L3MBTL3: variants seen among roughly 807,000 people sequenced by gnomAD.
L3MBTL3 encodes lethal(3)malignant brain tumor-like protein 3.
A neutral mutation model predicts 102.3 loss-of-function variants in L3MBTL3; 27 were observed. The observed-to-expected ratio is 0.26, with a 90% CI of 0.19 to 0.36. L3MBTL3 has a LOEUF of 0.36. Among genes scored for constraint, L3MBTL3 ranks in the 10% least tolerant of loss-of-function variants. The pLI is 1.00. For synonymous variants in L3MBTL3, 340 were observed against 320.9 expected (o/e 1.06, Z -0.64); for missense variants, 798 against 955.3 (o/e 0.84, Z 2.17).
At chr6:130,018,925 G>A (rs1384397533) in intron 1 of L3MBTL3, among the ~76,000 whole-genome samples, 1 of 152,128 alleles carries the variant, frequency 6.6e-6, no homozygotes, top group Non-Finnish European at 1.5e-5. Flanking sequence ...CGGCTGGAGG[G>A]GGAGTCTCTG....
At chr6:130,029,871 G>A (rs1779599802) in intron 2 of L3MBTL3, among the ~76,000 whole-genome samples, 1 of 152,052 alleles carries the variant, frequency 6.6e-6, no homozygotes, top group South Asian at 2.1e-4. Context: ...CCAGGCTGGA[G>A]TGCAGTGGGT....
chr6:130,081,830 C>G (rs1016737068), intron 14 of L3MBTL3, among the ~76,000 whole-genome samples: 1 of 152,166 alleles, frequency 6.6e-6, no homozygotes, highest in Non-Finnish European at 1.5e-5. Context: ...GAGACCCAGT[C>G]AAGTTTGCCA....
At chr6:130,056,447 C>G (rs368138858) in intron 8 of L3MBTL3, among the ~76,000 whole-genome samples, 1 of 152,166 alleles carries the variant, frequency 6.6e-6, no homozygotes, top group East Asian at 1.9e-4. Context: ...CATACTGTCC[C>G]GACAAACCAG....
Position 130,057,517 on chromosome 6 carries a change from C to A in L3MBTL3, c.759+20C>A. On this transcript the variant is annotated intron_variant, in intron 9 of 22. Coordinates refer to ENST00000361794, the MANE Select transcript of L3MBTL3 (RefSeq NM_032438.4). ...AAGGAGGTACGGGCCCTTCTAGAGA[C>A]GTGATCTGTAAGGGCGCAGGAGCTG... 1.3e-6 allele frequency: 2 copies of A among 1,578,902 alleles called. No homozygotes were observed. Among genetic ancestry groups the A allele is most frequent in the South Asian group, 1.2e-5 (1 of 86,254 alleles).
chr6:130,078,645 T>G lies in L3MBTL3; in HGVS notation c.1321+11T>G, dbSNP rs375227820. 8.5e-5 allele frequency: 132 copies of G among 1,550,406 alleles called. No homozygotes were observed. Among genetic ancestry groups the G allele is most frequent in the Non-Finnish European group, 1.1e-4 (129 of 1,123,222 alleles). ...TTATTACTCCACCAGGTGTGTGTTTTTTTAATGTGGCTAATACTATTCGTA... is the reference window on the plus strand; with the variant it reads ...TTATTACTCCACCAGGTGTGTGTTTGTTTAATGTGGCTAATACTATTCGTA... On this transcript the variant is annotated intron_variant, in intron 14 of 22. Coordinates refer to ENST00000361794, the MANE Select transcript of L3MBTL3 (RefSeq NM_032438.4).
intron 2 of L3MBTL3, 147 bp downstream of exon 2, chr6:130,022,452 A>G (rs866309123): frequency 1.3e-5 from 2 of 152,350 alleles, no homozygotes; most frequent in South Asian, 2.1e-4. Flanking sequence ...ATGTATTGAC[A>G]CTAAATGTAA....
chr6:130,064,516 A>G (rs975638030), intron 10 of L3MBTL3, among the ~76,000 whole-genome samples: 9 of 152,188 alleles, frequency 5.9e-5, no homozygotes, highest in Non-Finnish European at 1.3e-4. Flanking sequence ...ATGGATGACG[A>G]AAGTACTCAG....
intron 22 of L3MBTL3, among the ~76,000 whole-genome samples, chr6:130,136,457 CCTCCAGAT>C (rs1255857778): frequency 6.6e-6 from 1 of 152,162 alleles, no homozygotes; most frequent in African/African-American, 2.4e-5. Context: ...GAACACTCTT[CCTCCAGAT>C]GTTCATGTGG....
intron 19 of L3MBTL3, among the ~76,000 whole-genome samples, chr6:130,111,392 C>T (rs1785338054): frequency 6.6e-6 from 1 of 152,198 alleles, no homozygotes; most frequent in Admixed American, 6.5e-5. Context: ...CACATCCTCC[C>T]TGCCACACAG....
intron 20 of L3MBTL3, among the ~76,000 whole-genome samples, chr6:130,124,304 T>G (rs1786447766): frequency 6.6e-6 from 1 of 152,208 alleles, no homozygotes; most frequent in South Asian, 2.1e-4. Context: ...GCCCTGGTTC[T>G]GAAGGGCGCA....
intron 19 of L3MBTL3, among the ~76,000 whole-genome samples, chr6:130,106,567 A>C (rs914692286): frequency 1.5e-4 from 23 of 152,346 alleles, no homozygotes; most frequent in Non-Finnish European, 2.8e-4. Context: ...CAAGCAAGAA[A>C]TGAAAATGTC....
chr6:130,117,668 A>G (rs1017119003), intron 19 of L3MBTL3, among the ~76,000 whole-genome samples: 2 of 152,094 alleles, frequency 1.3e-5, no homozygotes, highest in African/African-American at 4.8e-5. Flanking sequence ...AGTAGAGAGA[A>G]ATAATGGTTG....
At chr6:130,108,221 TTTTTTTTTTG>T (rs1785107225) in intron 19 of L3MBTL3, among the ~76,000 whole-genome samples, 4 of 95,182 alleles carry the variant, frequency 4.2e-5, no homozygotes, top group Non-Finnish European at 1.0e-4. Context: ...TGTTAGGTGG[TTTTTTTTTTG>T]TTTTTTTTTT....
Position 130,116,977 on chromosome 6 carries a change from A to T in L3MBTL3, c.1887-3902A>T, listed in dbSNP as rs868813674. ...TATTTATTTATTTATTTATTTTTTT[A>T]TTTTTTTATTATACTTTAAGTTTTA... On this transcript the variant is annotated intron_variant, in intron 19 of 22. Coordinates refer to ENST00000361794, the MANE Select transcript of L3MBTL3 (RefSeq NM_032438.4). Among the ~76,000 whole-genome samples the T allele has an allele frequency of 2.4e-3, 323 of 133,726 alleles. 2 individuals carry two copies. Among genetic ancestry groups the T allele is most frequent in the Middle Eastern group, 0.018 (5 of 274 alleles). 87.7% of individuals were successfully genotyped at this position (133,726 alleles called of 152,430 possible).
chr6:130,082,962 C>T (rs974306545), intron 14 of L3MBTL3, among the ~76,000 whole-genome samples: 2 of 152,104 alleles, frequency 1.3e-5, no homozygotes, highest in Admixed American at 6.6e-5. Flanking sequence ...TTTCTCAGTC[C>T]CCTTTATGTG....
Position 130,125,846 on chromosome 6 carries a change from C to T in L3MBTL3, c.1966+4888C>T, listed in dbSNP as rs372979329. Among the ~76,000 whole-genome samples the T allele has an allele frequency of 9.2e-5, 14 of 152,184 alleles. No homozygotes were observed. The South Asian group carries it at 1.5e-3, about 16-fold the overall frequency. ...ACAATGTCAAGAGGATTTAAGACTC[C>T]GTAGGTCCATGAGGCCTGTTTTGAG... On this transcript the variant is annotated intron_variant, in intron 20 of 22. Coordinates refer to ENST00000361794, the MANE Select transcript of L3MBTL3 (RefSeq NM_032438.4).
At position 130,086,123 on chromosome 6, in the gene L3MBTL3, A is replaced by ATT; in HGVS notation, c.1408-9_1408-8dup. 2 of 1,519,032 alleles carry ATT rather than the reference A, an allele frequency of 1.3e-6. No individual in the cohort carries two copies. The highest frequency in any genetic ancestry group is 1.8e-6 in the Non-Finnish European group (2 of 1,098,220). The allele number at this position is 1,519,032 out of a possible 1,614,324, so 94.1% of individuals were successfully genotyped here. A position where few individuals can be genotyped will look rare whatever the true frequency, so the allele number is the denominator to read the frequency against. On this transcript the variant is annotated splice_polypyrimidine_tract_variant and intron_variant, in intron 15 of 22. Coordinates refer to ENST00000361794, the MANE Select transcript of L3MBTL3 (RefSeq NM_032438.4). Reference sequence around the variant, plus strand: ...CTTCCTCTTTATCTCACTCTGTAAAATTTTTTTTTGTGGCAGAAACCTCCT... The same window carrying ATT: ...CTTCCTCTTTATCTCACTCTGTAAAATTTTTTTTTTTGTGGCAGAAACCTCCT...
Position 130,062,990 on chromosome 6 carries a change from C to CTTTTT in L3MBTL3, c.864+2859_864+2863dup, listed in dbSNP as rs367985147. Reference sequence around the variant, plus strand: ...CCTCCCTCCTTCCCTTCTTGCCTTTCTTTTTTTTTTTTTCTGTTTTTTTTT... The same window carrying CTTTTT: ...CCTCCCTCCTTCCCTTCTTGCCTTTCTTTTTTTTTTTTTTTTTTCTGTTTTTTTTT... On this transcript the variant is annotated intron_variant, in intron 10 of 22. Coordinates refer to ENST00000361794, the MANE Select transcript of L3MBTL3 (RefSeq NM_032438.4). 4.0e-5 allele frequency among the ~76,000 whole-genome samples: 5 copies of CTTTTT among 126,204 alleles called. No individual in the cohort carries two copies. The East Asian group carries it at 1.1e-3, about 28-fold the overall frequency. 82.8% of individuals were successfully genotyped at this position (126,204 alleles called of 152,430 possible).
chr6:130,108,938 T>C (rs1190915443), intron 19 of L3MBTL3, among the ~76,000 whole-genome samples: 5 of 152,114 alleles, frequency 3.3e-5, no homozygotes, highest in Admixed American at 6.5e-5. Flanking sequence ...CTCCCACTTA[T>C]GAGTGAGAAC....
Sources: allele counts gnomAD v4.1 joint callset (sites outside exome capture counted in the v4.1 genomes callset), GRCh38; gene constraint gnomAD v4.1.1; transcripts MANE v1.5; gene names NCBI Gene and HGNC (gene_info 2026-07-23, HGNC 2026-07-21).